Variants in PARP9 observed in about 807,000 individuals in gnomAD.
PARP9 encodes the protein protein mono-ADP-ribosyltransferase PARP9.
In PARP9, 48 loss-of-function variants were observed where a neutral mutation model predicts 68.8. That is an observed-to-expected ratio of 0.70 (90% CI 0.55 to 0.89). PARP9 has a LOEUF of 0.89. Among genes scored for constraint, PARP9 ranks in the 40% least tolerant of loss-of-function variants. PARP9 has a pLI of 0.00. For synonymous variants in PARP9, 309 were observed against 333.8 expected, an observed-to-expected ratio of 0.93 and a Z score of 0.81; for missense variants, 806 against 969.3, an observed-to-expected ratio of 0.83 and a Z score of 2.24.
chr3:122,560,531 C>T (rs1282847424), intron 1 of PARP9, among the ~76,000 whole-genome samples: 2 of 152,034 alleles, frequency 1.3e-5, no homozygotes, highest in South Asian at 2.1e-4. Flanking sequence ...GGACTACAGG[C>T]GCCCGCCACC....
intron 10 of PARP9, chr3:122,534,547 T>G (rs1233238925): frequency 3.1e-6 from 2 of 641,370 alleles, no homozygotes; most frequent in Non-Finnish European, 3.9e-6. Context: ...CACTATATAA[T>G]GAGTATGTTG....
intron 1 of PARP9, among the ~76,000 whole-genome samples, chr3:122,561,236 A>T (rs570618617): frequency 5.3e-5 from 8 of 152,342 alleles, no homozygotes; most frequent in African/African-American, 1.9e-4. Flanking sequence ...AGGCAGGCAG[A>T]TTGCTTGAGC....
chr3:122,564,316 G>A, upstream of PARP9: 2 of 1,277,278 alleles, frequency 1.6e-6, no homozygotes, highest in Non-Finnish European at 2.1e-6. Context: ...GAACAGGGAG[G>A]GACCTCCAGG....
In PARP9 at chr3:122,536,031, C is replaced by A. The variant is rs547813424; in HGVS notation, c.2080+137G>T. 329 of 1,535,978 alleles carry A rather than the reference C, an allele frequency of 2.1e-4. 1 individual carries two copies. The African/African-American group carries it at 4.1e-3, about 19-fold the overall frequency. On this transcript the variant is annotated intron_variant, in intron 10 of 10. Transcript: ENST00000682323. ...TTCCAAAATACTTTGTGACCTGGGT[C>A]ATCATTTGTGACCTCTAAATCACAG...
chr3:122,548,624 C>A (rs1371462546), intron 6 of PARP9, among the ~76,000 whole-genome samples: 1 of 152,186 alleles, frequency 6.6e-6, no homozygotes, highest in African/African-American at 2.4e-5. Context: ...ACTAATTATG[C>A]TGAAAATATC....
At chr3:122,559,555 T>G (rs1210357380) in intron 2 of PARP9, 51 bp downstream of exon 2, 4 of 1,526,042 alleles carry the variant, frequency 2.6e-6, no homozygotes, top group Non-Finnish European at 3.5e-6. Context: ...TATAAAGAAG[T>G]ATTCATGTGC....
intron 8 of PARP9, among the ~76,000 whole-genome samples, chr3:122,538,198 C>T (rs555965446): frequency 0.022 from 3,336 of 152,188 alleles, 124 homozygotes; most frequent in African/African-American, 0.074. Flanking sequence ...GGAGCAATAG[C>T]TCATATTTAT....
Position 122,552,452 on chromosome 3 carries a change from T to C in PARP9, c.1073A>G (p.His358Arg), listed in dbSNP as rs947270073. The C allele has an allele frequency of 6.2e-7, 1 of 1,613,642 alleles. No homozygotes were observed. The highest frequency in any genetic ancestry group is 1.3e-5 in the African/African-American group (1 of 74,926). Residue 358 changes from histidine to arginine, a missense_variant, in exon 5 of 11, where the codon CAT (histidine) becomes CGT (arginine). Physicochemically the swap from His to Arg is conservative, Grantham distance 29 (BLOSUM62 0). Coordinates refer to ENST00000682323, the MANE Select transcript of PARP9 (RefSeq NM_001146105.2). ...GFNLFCKYIYHVLWHSEFPKP... is the reference protein window; with the variant it reads ...GFNLFCKYIYRVLWHSEFPKP... ...AGGAAATTCTGAATGCCACAGTACATGGTATATATATTTACAGAACAAGTT... is the reference window on the plus strand; with the variant it reads ...AGGAAATTCTGAATGCCACAGTACACGGTATATATATTTACAGAACAAGTT...
intron 6 of PARP9, among the ~76,000 whole-genome samples, chr3:122,547,013 T>TATATATATATATAC (rs1491341009): frequency 1.6e-5 from 1 of 61,408 alleles, no homozygotes; most frequent in Non-Finnish European, 3.5e-5. Context: ...TATATATATA[T>TATATATATATATAC]ACACACACAC....
chr3:122,552,854 T>C (rs2079323851), intron 4 of PARP9, among the ~76,000 whole-genome samples: 1 of 152,208 alleles, frequency 6.6e-6, no homozygotes, highest in Non-Finnish European at 1.5e-5. Flanking sequence ...AGAAATTATG[T>C]AAATGTACGG....
At chr3:122,539,010 C>T (rs2077878303) in intron 8 of PARP9, among the ~76,000 whole-genome samples, 1 of 151,978 alleles carries the variant, frequency 6.6e-6, no homozygotes, top group African/African-American at 2.4e-5. Context: ...AATTTTTGTA[C>T]CTCTTACTAA....
At position 122,555,882 on chromosome 3, in the gene PARP9, C is replaced by T; in HGVS notation, c.289G>A (p.Val97Ile). The T allele has an allele frequency of 6.2e-7, 1 of 1,614,084 alleles. No individual in the cohort carries two copies. Among genetic ancestry groups the T allele is most frequent in the Non-Finnish European group, 8.5e-7 (1 of 1,180,004 alleles). Reference protein sequence around the residue: ...VWKDDLTTHAVDAVVNAANED... With the variant: ...VWKDDLTTHAIDAVVNAANED... ...TTGGCTGCATTCACCACAGCATCAA[C>T]AGCATGTGTGGTGAGGTCATCTTTC... is the stretch of plus-strand genomic sequence containing the variant. The change falls in exon 4 of 11, where the codon GTT (valine) becomes ATT (isoleucine). Residue 97 changes from valine (V) to isoleucine (I), a missense_variant. This residue lies in a region of PARP9 where 126 missense variants were observed against 110.5 expected (regional missense o/e 1.14). Coordinates refer to ENST00000682323, the MANE Select transcript of PARP9 (RefSeq NM_001146105.2).
chr3:122,530,096 G>A (rs2077204154), intron 10 of PARP9, among the ~76,000 whole-genome samples: 1 of 144,180 alleles, frequency 6.9e-6, no homozygotes. Context: ...AGGACTGATT[G>A]AACTCAGGAG....
chr3:122,558,477 A>T lies in PARP9; in HGVS notation c.16-10T>A, dbSNP rs1360916439. The T allele has an allele frequency of 4.3e-6, 7 of 1,613,636 alleles. No homozygotes were observed. The highest frequency in any genetic ancestry group is 5.1e-6 in the Non-Finnish European group (6 of 1,179,704). On this transcript the variant is annotated splice_polypyrimidine_tract_variant and intron_variant, in intron 2 of 10. Coordinates refer to ENST00000682323, the MANE Select transcript of PARP9 (RefSeq NM_001146105.2). ...CTGCTGCTCCGGCCACCTGTGAAAA[A>T]TGAGAATGGCTTTCTTAAAAAATGG... is the stretch of plus-strand genomic sequence containing the variant.
Position 122,540,831 on chromosome 3 carries a change from T to C in PARP9, c.1406A>G (p.Glu469Gly), listed in dbSNP as rs201717401. ...AGCTTCAAGCCCATTTTCTCTTTTC[T>C]CCTCTCTGGTTGACTGGGGGACTGA... Reference protein sequence around the residue: ...NYSVPQSTREEKRENGLEARS... With the variant: ...NYSVPQSTREGKRENGLEARS... Residue 469 changes from glutamate to glycine, a missense_variant, in exon 8 of 11, where the codon GAG (glutamate) becomes GGG (glycine). Transcript: ENST00000682323. The C allele has an allele frequency of 1.2e-6, 2 of 1,613,188 alleles. No homozygotes were observed. Among genetic ancestry groups the C allele is most frequent in the Non-Finnish European group, 1.7e-6 (2 of 1,179,676 alleles).
chr3:122,553,126 G>A (rs1217961744), intron 4 of PARP9, among the ~76,000 whole-genome samples: 1 of 152,160 alleles, frequency 6.6e-6, no homozygotes, highest in Non-Finnish European at 1.5e-5. Flanking sequence ...CAAGGTTAAA[G>A]AAACTCCAAA....
chr3:122,536,465 T>A (rs1390645267), intron 9 of PARP9, 123 bp from the exon 10 acceptor site: 1 of 1,447,104 alleles, frequency 6.9e-7, no homozygotes, highest in East Asian at 2.4e-5. Context: ...GCAATTCGCT[T>A]TTCATAGAAA....
intron 1 of PARP9, among the ~76,000 whole-genome samples, chr3:122,560,020 T>C (rs1190570850): frequency 6.6e-6 from 1 of 152,094 alleles, no homozygotes; most frequent in Non-Finnish European, 1.5e-5. Context: ...TTTTTACATA[T>C]TTAGAAGAAG....
chr3:122,545,492 A>G lies in PARP9; in HGVS notation c.1327-3T>C, dbSNP rs200216599. On this transcript the variant is annotated splice_polypyrimidine_tract_variant and splice_region_variant and intron_variant, in intron 6 of 10. Transcript: ENST00000682323. Reference sequence around the variant, plus strand: ...TTTGCCATTTCAGAACTGAAAGCCTACAAGAAGCAAAACAGAGCAGAGAGT... The same window carrying G: ...TTTGCCATTTCAGAACTGAAAGCCTGCAAGAAGCAAAACAGAGCAGAGAGT... 1.9e-5 allele frequency: 30 copies of G among 1,614,078 alleles called. No individual in the cohort carries two copies. The highest frequency in any genetic ancestry group is 2.5e-5 in the Non-Finnish European group (29 of 1,180,030).
Sources: gnomAD v4.1 joint callset for allele counts (sites outside exome capture counted in the v4.1 genomes callset) on GRCh38, gnomAD v4.1.1 for gene constraint, gnomAD v4.1.1 regional missense constraint, MANE v1.5 for transcripts, NCBI Gene and HGNC (gene_info 2026-07-23, HGNC 2026-07-21) for gene names.